CCDC68: variants seen among roughly 807,000 people sequenced by gnomAD.
The protein encoded by CCDC68 is coiled-coil domain-containing protein 68.
Under a neutral mutation model 47.1 loss-of-function variants are expected in CCDC68, and 45 were observed. That is an observed-to-expected ratio of 0.96 (90% CI 0.75 to 1.23). The LOEUF is 1.23. CCDC68 is among the 50% of genes most tolerant of loss of function. The probability of loss-of-function intolerance (pLI) is 0.00; values close to 1 mark genes in which losing one functional copy is unlikely to be tolerated. For missense variants in CCDC68, 353 were observed against 373.6 expected (o/e 0.94, Z 0.45); for synonymous variants, 131 against 129.5 (o/e 1.01, Z -0.08).
intron 1 of CCDC68, among the ~76,000 whole-genome samples, chr18:54,949,932 T>C (rs944716799): frequency 5.3e-5 from 8 of 152,176 alleles, no homozygotes; most frequent in African/African-American, 1.9e-4. Context: ...TCAGTGGCAG[T>C]ATCCAGTGGC....
chr18:54,919,811 A>G (rs1470990589), intron 8 of CCDC68, among the ~76,000 whole-genome samples: 4 of 152,186 alleles, frequency 2.6e-5, no homozygotes, highest in Non-Finnish European at 4.4e-5. Context: ...TTTATAAGAA[A>G]CCAATTTCTA....
Position 54,919,266 on chromosome 18 carries a change from C to T in CCDC68, c.789+5G>A. 6.2e-7 allele frequency: 1 copy of T among 1,608,222 alleles called. No homozygotes were observed. Among genetic ancestry groups the T allele is most frequent in the Non-Finnish European group, 8.5e-7 (1 of 1,174,726 alleles). ...TACCAGATAAATACACTTGATTAATCTGACCTCCTGGATGACACTGCGCAG... is the reference window on the plus strand; with the variant it reads ...TACCAGATAAATACACTTGATTAATTTGACCTCCTGGATGACACTGCGCAG... On this transcript the variant is annotated splice_donor_5th_base_variant and intron_variant, in intron 9 of 11. Transcript: ENST00000591504.
At chr18:54,959,076 G>C (rs190768158) in intron 1 of CCDC68, 5 of 152,338 alleles carry the variant, frequency 3.3e-5, no homozygotes, top group East Asian at 1.9e-4. Flanking sequence ...GTGTGCGCCG[G>C]ACTAAGTAGG....
chr18:54,912,764 T>C (rs886356900), intron 10 of CCDC68, among the ~76,000 whole-genome samples: 1 of 152,122 alleles, frequency 6.6e-6, no homozygotes, highest in East Asian at 1.9e-4. Flanking sequence ...TCCACATGGC[T>C]GGGGAGGCCT....
chr18:54,942,588 T>C (rs1321085896), intron 3 of CCDC68, 87 bp downstream of exon 3: 1 of 797,944 alleles, frequency 1.3e-6, no homozygotes, highest in Admixed American at 2.3e-5. Context: ...ATATGTTCTA[T>C]GGAGAGGGAA....
At chr18:54,929,178 C>T (rs942900935) in intron 7 of CCDC68, among the ~76,000 whole-genome samples, 1 of 152,186 alleles carries the variant, frequency 6.6e-6, no homozygotes, top group African/African-American at 2.4e-5. Flanking sequence ...AATCTCTCCC[C>T]ATCCTACCAC....
chr18:54,945,096 T>C (rs1048200426), intron 2 of CCDC68, among the ~76,000 whole-genome samples: 150 of 152,214 alleles, frequency 9.9e-4, no homozygotes, highest in African/African-American at 3.5e-3. Flanking sequence ...TATTTGCAGG[T>C]GAAATTGTGT....
At chr18:54,950,788 G>GTATATGTATATATATATATATA (rs1555679025) in intron 1 of CCDC68, among the ~76,000 whole-genome samples, 7 of 97,298 alleles carry the variant, frequency 7.2e-5, no homozygotes, top group African/African-American at 2.7e-4. Context: ...TATCTTCAGT[G>GTATATGTATATATATATATATA]TATATATATA....
At chr18:54,937,023 T>C (rs1012551658) in intron 5 of CCDC68, 65 bp from the exon 6 acceptor site, 87 of 1,532,016 alleles carry the variant, frequency 5.7e-5, no homozygotes, top group Non-Finnish European at 7.5e-5. Flanking sequence ...GCAGAACAGT[T>C]TGATGGGCAA....
rs372438516 is a variant in CCDC68, at chr18:54,958,028, A to T, written c.-103+1308T>A. 307 of 152,370 alleles carry T rather than the reference A, an allele frequency of 2.0e-3. 7 individuals are homozygous for T. Among genetic ancestry groups the T allele is most frequent in the African/African-American group, 7.3e-3 (302 of 41,590 alleles). 9.4% of individuals were successfully genotyped at this position (152,370 alleles called of 1,614,324 possible). The stretch of plus-strand genomic sequence containing the variant: ...TAAGCTAACAAATAACATGCCTATC[A>T]GTAATTCACAAAATAGCAACAGTAT... On this transcript the variant is annotated intron_variant, in intron 1 of 11. Coordinates refer to ENST00000591504, the MANE Select transcript of CCDC68 (RefSeq NM_025214.3).
chr18:54,950,653 G>A lies in CCDC68; in HGVS notation c.-102-5176C>T, dbSNP rs189668469. 2.6e-5 allele frequency among the ~76,000 whole-genome samples: 4 copies of A among 151,964 alleles called. 1 individual carries two copies. Among genetic ancestry groups the A allele is most frequent in the Admixed American group, 2.0e-4 (3 of 15,268 alleles). On this transcript the variant is annotated intron_variant, in intron 1 of 11. Transcript: ENST00000591504. ...ATATAAGATAAAAGCTATTTCGGAG[G>A]AAAAATGAAATATTTGTGTAAACAC...
intron 3 of CCDC68, 96 bp from the exon 4 acceptor site, chr18:54,941,179 AG>A: frequency 1.3e-6 from 1 of 743,024 alleles, no homozygotes; most frequent in Non-Finnish European, 2.3e-6. Context: ...TTATCTAGAA[AG>A]TAATACATAT....
rs202025786 is a variant in CCDC68, at chr18:54,919,224, G to A, written c.789+47C>T. Reference sequence around the variant, plus strand: ...CAAGCCACTCGTATTTGGGCTCCACGCTGTAAACATACTGTCTACCAGATA... The same window carrying A: ...CAAGCCACTCGTATTTGGGCTCCACACTGTAAACATACTGTCTACCAGATA... On this transcript the variant is annotated intron_variant, in intron 9 of 11. Coordinates refer to ENST00000591504, the MANE Select transcript of CCDC68 (RefSeq NM_025214.3). The A allele has an allele frequency of 2.7e-4, 391 of 1,434,782 alleles. 1 individual carries two copies. In the African/African-American group the frequency reaches 4.6e-3, roughly 17 times the overall value. The allele number at this position is 1,434,782 out of a possible 1,614,324, so 88.9% of individuals were successfully genotyped here.
At chr18:54,944,170 C>A (rs970334856) in intron 2 of CCDC68, among the ~76,000 whole-genome samples, 1 of 152,002 alleles carries the variant, frequency 6.6e-6, no homozygotes, top group African/African-American at 2.4e-5. Context: ...AGTTAGCATC[C>A]CTCACGGCCA....
chr18:54,909,805 C>T (rs957149105), intron 10 of CCDC68, among the ~76,000 whole-genome samples: 1 of 152,216 alleles, frequency 6.6e-6, no homozygotes, highest in African/African-American at 2.4e-5. Flanking sequence ...CACCCAGAAG[C>T]TTGGAGATGC....
At chr18:54,957,507 G>A (rs1190874412) in intron 1 of CCDC68, among the ~76,000 whole-genome samples, 2 of 151,866 alleles carry the variant, frequency 1.3e-5, no homozygotes, top group African/African-American at 2.4e-5. Context: ...CTCCCATCTG[G>A]TTCTCCCACA....
rs1484111778 is a variant in CCDC68, at chr18:54,937,154, T to C, written c.346-196A>G. 3.6e-6 allele frequency: 2 copies of C among 560,526 alleles called. 1 individual carries two copies. Among genetic ancestry groups the C allele is most frequent in the Admixed American group, 6.4e-5 (2 of 31,372 alleles). 34.7% of individuals were successfully genotyped at this position (560,526 alleles called of 1,614,324 possible). On this transcript the variant is annotated intron_variant, in intron 5 of 11. Coordinates refer to ENST00000591504, the MANE Select transcript of CCDC68 (RefSeq NM_025214.3). The stretch of plus-strand genomic sequence containing the variant: ...TGAGAAACTCCCTATTTAGAGGGGC[T>C]GTTGAACAGGCAGATTTGCCATAGT...
chr18:54,919,399 A>G (rs2044014331), intron 8 of CCDC68, 23 bp from the exon 9 acceptor site: 2 of 1,553,902 alleles, frequency 1.3e-6, no homozygotes, highest in Non-Finnish European at 1.8e-6. Context: ...AGGGAAAAAG[A>G]CCAAGAGAAA....
intron 1 of CCDC68, among the ~76,000 whole-genome samples, chr18:54,953,547 T>TAGAGAGAG (rs1568166305): frequency 7.6e-6 from 1 of 131,276 alleles, no homozygotes; most frequent in African/African-American, 3.2e-5. Flanking sequence ...CACATATATA[T>TAGAGAGAG]ATATAGAGAG....
Sources: allele counts gnomAD v4.1 joint callset (sites outside exome capture counted in the v4.1 genomes callset), GRCh38; gene constraint gnomAD v4.1.1; transcripts MANE v1.5; gene names NCBI Gene and HGNC (gene_info 2026-07-23, HGNC 2026-07-21).